ATP2C1: variants seen among roughly 807,000 people sequenced by gnomAD.
The protein encoded by ATP2C1 is ATPase secretory pathway Ca2+ transporting 1.
Under a neutral mutation model 120.5 loss-of-function variants are expected in ATP2C1, and 31 were observed. The ratio of observed to expected loss-of-function variants is 0.26; its 90% CI spans 0.19 to 0.35. The LOEUF is 0.35. ATP2C1 is among the 10% of genes least tolerant of loss of function. ATP2C1 has a pLI of 1.00. For missense variants in ATP2C1, 731 were observed against 1,107.5 expected (o/e 0.66, Z 4.83); for synonymous variants, 351 against 358.7 (o/e 0.98, Z 0.24).
intron 1 of ATP2C1, among the ~76,000 whole-genome samples, chr3:130,883,932 TTTTTC>T (rs1028020048): frequency 2.8e-5 from 4 of 141,066 alleles, no homozygotes; most frequent in African/African-American, 1.0e-4. Context: ...TCTTTCTTTC[TTTTTC>T]TTTTCTTCTT....
chr3:130,936,572 G>C (rs376860406), intron 5 of ATP2C1, among the ~76,000 whole-genome samples: 1 of 152,092 alleles, frequency 6.6e-6, no homozygotes, highest in East Asian at 1.9e-4. Context: ...CAGCACTTTG[G>C]GAGGCTGAGG....
In ATP2C1 at chr3:130,997,764, T is replaced by G. The variant is rs2062697736; in HGVS notation, c.2391+11T>G. Reference sequence around the variant, plus strand: ...GTCTTCTGGCGTGAGGTATATTCACTGGCCAAGCTGCTATATTAACATGAA... The same window carrying G: ...GTCTTCTGGCGTGAGGTATATTCACGGGCCAAGCTGCTATATTAACATGAA... On this transcript the variant is annotated intron_variant, in intron 25 of 27. Coordinates refer to ENST00000510168, the MANE Select transcript of ATP2C1 (RefSeq NM_001378687.1). 5 of 1,612,726 alleles carry G rather than the reference T, an allele frequency of 3.1e-6. No individual in the cohort carries two copies. The highest frequency in any genetic ancestry group is 4.2e-6 in the Non-Finnish European group (5 of 1,179,364).
At chr3:130,880,119 A>G (rs2068735418) in intron 1 of ATP2C1, among the ~76,000 whole-genome samples, 1 of 152,200 alleles carries the variant, frequency 6.6e-6, no homozygotes, top group Non-Finnish European at 1.5e-5. Context: ...AAGATATACT[A>G]TAATTATCAT....
downstream of ATP2C1, among the ~76,000 whole-genome samples, chr3:131,005,608 C>A (rs1477931604): frequency 6.6e-6 from 1 of 152,144 alleles, no homozygotes; most frequent in Non-Finnish European, 1.5e-5. Context: ...ATTTCCCAGA[C>A]GGATGTGTTA....
At chr3:130,876,081 T>C (rs2068593646) in intron 1 of ATP2C1, among the ~76,000 whole-genome samples, 1 of 152,116 alleles carries the variant, frequency 6.6e-6, no homozygotes. Flanking sequence ...ACAGGTTGTC[T>C]CTTCATTTTG....
intron 21 of ATP2C1, 120 bp downstream of exon 21, chr3:130,993,121 A>ATT: frequency 2.5e-6 from 2 of 802,528 alleles, no homozygotes. Flanking sequence ...GAAGCAAAAC[A>ATT]GTTTTTTTTT....
chr3:130,978,193 A>G (rs2061607659), intron 18 of ATP2C1, among the ~76,000 whole-genome samples: 1 of 152,186 alleles, frequency 6.6e-6, no homozygotes, highest in East Asian at 1.9e-4. Context: ...CTCAAGGGTG[A>G]AAGCCTTTGG....
chr3:130,939,384 C>T (rs937842536), intron 6 of ATP2C1, among the ~76,000 whole-genome samples: 19 of 152,094 alleles, frequency 1.2e-4, no homozygotes, highest in Admixed American at 6.5e-5. Flanking sequence ...TTCTTCCCAG[C>T]CATAAAAATA....
chr3:130,979,210 CT>C (rs755742388), intron 18 of ATP2C1, 38 bp from the exon 19 acceptor site: 34 of 1,601,720 alleles, frequency 2.1e-5, no homozygotes, highest in African/African-American at 6.7e-5. Flanking sequence ...TCATGACTCA[CT>C]TTTTTTTGTT....
At chr3:130,872,625 C>A (rs111388954) in intron 1 of ATP2C1, among the ~76,000 whole-genome samples, 15,195 of 151,644 alleles carry the variant, frequency 0.1, 871 homozygotes, top group Non-Finnish European at 0.13. Flanking sequence ...TACTCTGTCA[C>A]CCAAGCTGGA....
chr3:130,930,061 C>T (rs2059387606), intron 2 of ATP2C1: 2 of 355,472 alleles, frequency 5.6e-6, no homozygotes, highest in Admixed American at 8.0e-5. Context: ...GCATGTTAAA[C>T]GTAATGAGTT....
chr3:131,002,794 T>C lies in ATP2C1; in HGVS notation c.*1444T>C. 2.0e-6 allele frequency: 2 copies of C among 985,652 alleles called. No individual in the cohort carries two copies. The highest frequency in any genetic ancestry group is 4.7e-5 in the South Asian group (1 of 21,290). The allele number at this position is 985,652 out of a possible 1,614,324, so 61.1% of individuals were successfully genotyped here. Reference sequence around the variant, plus strand: ...GTTAGCACTGAAATATTGTCATTGATAGGGAAAATATCTATTCTTTGAGTC... The same window carrying C: ...GTTAGCACTGAAATATTGTCATTGACAGGGAAAATATCTATTCTTTGAGTC... On this transcript the variant is annotated 3_prime_UTR_variant, in exon 28 of 28. Coordinates refer to ENST00000510168, the MANE Select transcript of ATP2C1 (RefSeq NM_001378687.1).
At chr3:130,851,624 C>T (rs550027669) in intron 1 of ATP2C1, among the ~76,000 whole-genome samples, 1 of 152,124 alleles carries the variant, frequency 6.6e-6, no homozygotes, top group Non-Finnish European at 1.5e-5. Context: ...TTTCTTTGAT[C>T]TCCAAAAAAG....
intron 20 of ATP2C1, among the ~76,000 whole-genome samples, chr3:130,983,012 AATT>A (rs978896400): frequency 2.6e-5 from 4 of 152,156 alleles, no homozygotes; most frequent in African/African-American, 7.2e-5. Context: ...TTCTGAAATC[AATT>A]ATTATTAGAA....
intron 2 of ATP2C1, among the ~76,000 whole-genome samples, chr3:130,919,828 C>G (rs1014282402): frequency 6.6e-6 from 1 of 152,218 alleles, no homozygotes; most frequent in Non-Finnish European, 1.5e-5. Flanking sequence ...CCAATTTCTT[C>G]ACATCCTCAC....
intron 1 of ATP2C1, among the ~76,000 whole-genome samples, chr3:130,867,739 G>A (rs1179136870): frequency 6.8e-5 from 7 of 102,642 alleles, no homozygotes; most frequent in African/African-American, 2.6e-4. Flanking sequence ...GAGCGTCTCT[G>A]CTTGGCCACC....
At chr3:130,980,812 TC>T in intron 20 of ATP2C1, 133 bp downstream of exon 20, 1 of 711,838 alleles carries the variant, frequency 1.4e-6, no homozygotes, top group East Asian at 2.8e-5. Context: ...TTGGTTCAAA[TC>T]CTGAAATGAA....
chr3:130,937,295 GA>G lies in ATP2C1; in HGVS notation c.325-132del. On this transcript the variant is annotated intron_variant, in intron 5 of 27. Transcript: ENST00000510168. ...CCCACAGGCCTTAAGGTAAAGTTGTGATTTCTTTTCCAGCTGATCTCAGTGT... is the reference window on the plus strand; with the variant it reads ...CCCACAGGCCTTAAGGTAAAGTTGTGTTTCTTTTCCAGCTGATCTCAGTGT... 4 of 781,418 alleles carry G rather than the reference GA, an allele frequency of 5.1e-6. 1 individual carries two copies. The South Asian group carries it at 6.4e-5, about 12-fold the overall frequency. 48.4% of individuals were successfully genotyped at this position (781,418 alleles called of 1,614,324 possible). A position where few individuals can be genotyped will look rare whatever the true frequency, so the allele number is the denominator to read the frequency against.
chr3:130,894,215 C>T lies in ATP2C1; in HGVS notation c.-303C>T. ...CGCTCGCTTCTTCTCACGCCGGGAG[C>T]AGGCTCCCGCCTCGCACCGCTGCCC... is the stretch of plus-strand genomic sequence containing the variant. On this transcript the variant is annotated 5_prime_UTR_variant, in exon 1 of 28. Transcript: ENST00000510168. This position sits in a 1 kb window ranked among gnomAD's most constrained non-coding sequence, Gnocchi z 4.5. The T allele has an allele frequency of 1.0e-6, 1 of 983,692 alleles. No individual in the cohort carries two copies. Among genetic ancestry groups the T allele is most frequent in the Non-Finnish European group, 1.2e-6 (1 of 829,258 alleles). 60.9% of individuals were successfully genotyped at this position (983,692 alleles called of 1,614,324 possible).
Sources: allele counts gnomAD v4.1 joint callset (sites outside exome capture counted in the v4.1 genomes callset), GRCh38; gene constraint gnomAD v4.1.1; non-coding constraint Gnocchi (gnomAD v3.1); transcripts MANE v1.5; gene names NCBI Gene and HGNC (gene_info 2026-07-23, HGNC 2026-07-21).